Variants in GALNT17 observed in about 807,000 individuals in gnomAD.
GALNT17 encodes the protein UDP-GalNAc:polypeptide N-acetylgalactosaminyltransferase-like 3.
GALNT17 carries 29 observed loss-of-function variants against 63.7 expected under a neutral mutation model. The observed-to-expected ratio is 0.46, with a 90% CI of 0.34 to 0.62. The LOEUF is 0.62. GALNT17 is among the 20% of genes least tolerant of loss of function. GALNT17 has a pLI of 0.01. For missense variants in GALNT17, 603 were observed against 799.6 expected, an observed-to-expected ratio of 0.75 and a Z score of 2.97; for synonymous variants, 305 against 318.3, an observed-to-expected ratio of 0.96 and a Z score of 0.45.
At position 71,702,128 on chromosome 7, in the gene GALNT17, G is replaced by C. The variant is rs2117117086; in HGVS notation, c.1501-8633G>C. Among the ~76,000 whole-genome samples, 3 of 151,884 alleles carry C rather than the reference G, an allele frequency of 2.0e-5. No homozygotes were observed. The South Asian group carries it at 6.2e-4, about 32-fold the overall frequency. Reference sequence around the variant, plus strand: ...AAACAATAGACACTGTGGACTACCAGAGTAGAGAGAGAGGGAGGAGGGTAA... The same window carrying C: ...AAACAATAGACACTGTGGACTACCACAGTAGAGAGAGAGGGAGGAGGGTAA... On this transcript the variant is annotated intron_variant, in intron 9 of 10. Coordinates refer to ENST00000333538, the MANE Select transcript of GALNT17 (RefSeq NM_022479.3).
At chr7:71,318,419 T>TG in intron 1 of GALNT17, among the ~76,000 whole-genome samples, 1 of 147,750 alleles carries the variant, frequency 6.8e-6, no homozygotes, top group Admixed American at 6.8e-5. Context: ...CTCTTTTTTT[T>TG]TTGTGTGTGT....
intron 1 of GALNT17, among the ~76,000 whole-genome samples, chr7:71,139,334 G>A (rs755116621): frequency 2.6e-5 from 4 of 152,148 alleles, no homozygotes; most frequent in Non-Finnish European, 5.9e-5. Context: ...GAGTCCACAC[G>A]CAGGACGCAC....
At chr7:71,581,310 C>T (rs1562699374) in intron 6 of GALNT17, among the ~76,000 whole-genome samples, 1 of 152,104 alleles carries the variant, frequency 6.6e-6, no homozygotes, top group African/African-American at 2.4e-5. Context: ...CAGATGTGCA[C>T]TACCATGCTC....
chr7:71,272,402 G>A (rs757769853), intron 1 of GALNT17, among the ~76,000 whole-genome samples: 5 of 152,198 alleles, frequency 3.3e-5, no homozygotes, highest in Non-Finnish European at 5.9e-5. Context: ...AAAAACGCCA[G>A]CCTGTTTTCC....
At chr7:71,631,109 G>C (rs1790447438) in intron 6 of GALNT17, among the ~76,000 whole-genome samples, 1 of 152,210 alleles carries the variant, frequency 6.6e-6, no homozygotes. Flanking sequence ...GATTGGAAGG[G>C]AGAGGGGAGA....
rs1166172380 is a variant in GALNT17 at position 71,168,700 on chromosome 7, C to CGTGTGT, written c.238+35664_238+35665insGTGTGT. The stretch of plus-strand genomic sequence containing the variant: ...ACACATCCATCAGCTCACATAGTTA[C>CGTGTGT]GTGTATGTGTGTGTGTGTGTGTGTG... On this transcript the variant is annotated intron_variant, in intron 1 of 10. Coordinates refer to ENST00000333538, the MANE Select transcript of GALNT17 (RefSeq NM_022479.3). Among the ~76,000 whole-genome samples, 599 of 83,314 alleles carry CGTGTGT rather than the reference C, an allele frequency of 7.2e-3. 8 individuals carry two copies. Among genetic ancestry groups the CGTGTGT allele is most frequent in the African/African-American group, 8.8e-3 (150 of 17,070 alleles). The allele number at this position is 83,314 out of a possible 152,430, so 54.7% of individuals were successfully genotyped here.
At chr7:71,523,483 G>C (rs1188271614) in intron 5 of GALNT17, among the ~76,000 whole-genome samples, 9 of 151,952 alleles carry the variant, frequency 5.9e-5, no homozygotes, top group Admixed American at 3.9e-4. Context: ...GGCACAGTGA[G>C]TGGGCTCATG....
chr7:71,457,383 G>C (rs1247218643), intron 5 of GALNT17, among the ~76,000 whole-genome samples: 2 of 150,654 alleles, frequency 1.3e-5, no homozygotes, highest in East Asian at 1.9e-4. Flanking sequence ...TACCGGAAAG[G>C]GGTCCTGATC....
intron 8 of GALNT17, 73 bp from the exon 9 acceptor site, chr7:71,677,138 G>A (rs1056199395): frequency 4.6e-6 from 7 of 1,506,344 alleles, no homozygotes; most frequent in Non-Finnish European, 5.5e-6. Context: ...CCAAGCCATG[G>A]TAGAACAGTG....
chr7:71,336,891 A>T (rs1791918402), intron 2 of GALNT17, among the ~76,000 whole-genome samples: 1 of 152,142 alleles, frequency 6.6e-6, no homozygotes, highest in African/African-American at 2.4e-5. Flanking sequence ...GTCTGCTTTG[A>T]GTTCTTTGCG....
intron 2 of GALNT17, among the ~76,000 whole-genome samples, chr7:71,370,034 A>C (rs1221483235): frequency 6.6e-6 from 1 of 152,138 alleles, no homozygotes; most frequent in Admixed American, 6.5e-5. Flanking sequence ...ATTGCTTTAC[A>C]AGTGGGTATT....
chr7:71,189,352 G>C (rs1455653459), intron 1 of GALNT17, among the ~76,000 whole-genome samples: 1 of 152,102 alleles, frequency 6.6e-6, no homozygotes, highest in African/African-American at 2.4e-5. Flanking sequence ...CCCTGTCTCG[G>C]GTATGTGAAA....
Position 71,207,144 on chromosome 7 carries a change from C to T in GALNT17, c.238+74104C>T, listed in dbSNP as rs144835380. The stretch of plus-strand genomic sequence containing the variant: ...AAAGACCGATCAGTAGCAGAATCAA[C>T]CAGCCTCACTTTTTGCTTTTTCTTC... On this transcript the variant is annotated intron_variant, in intron 1 of 10. Transcript: ENST00000333538. Among the ~76,000 whole-genome samples the T allele has an allele frequency of 2.0e-3, 306 of 152,008 alleles. 1 individual carries two copies. The highest frequency in any genetic ancestry group is 7.2e-3 in the African/African-American group (299 of 41,466).
intron 1 of GALNT17, 74 bp downstream of exon 1, chr7:71,133,114 C>T (rs925809289): frequency 1.4e-5 from 18 of 1,294,380 alleles, no homozygotes; most frequent in Non-Finnish European, 2.0e-6. Flanking sequence ...AGGGTCCTTG[C>T]GCGCTGCGCC....
intron 1 of GALNT17, among the ~76,000 whole-genome samples, chr7:71,287,856 A>G (rs1790902428): frequency 6.6e-6 from 1 of 151,784 alleles, no homozygotes; most frequent in South Asian, 2.1e-4. Flanking sequence ...GTTTGAGACC[A>G]GCCTGGCCAA....
chr7:71,376,231 T>C, intron 2 of GALNT17, among the ~76,000 whole-genome samples: 1 of 152,084 alleles, frequency 6.6e-6, no homozygotes, highest in Non-Finnish European at 1.5e-5. Context: ...TGTCCCCTCG[T>C]TTGACATGTA....
chr7:71,337,506 T>TA (rs1373035972), intron 2 of GALNT17, among the ~76,000 whole-genome samples: 2 of 152,314 alleles, frequency 1.3e-5, no homozygotes, highest in Admixed American at 6.5e-5. Context: ...TACTAGCATG[T>TA]AAAAAATGCC....
intron 1 of GALNT17, among the ~76,000 whole-genome samples, chr7:71,173,853 T>G (rs907699585): frequency 5.3e-5 from 8 of 152,180 alleles, no homozygotes; most frequent in Admixed American, 3.9e-4. Flanking sequence ...TTTGTTCACA[T>G]TATGTCCTTA....
chr7:71,494,017 C>A (rs1323239911), intron 5 of GALNT17, among the ~76,000 whole-genome samples: 1 of 151,884 alleles, frequency 6.6e-6, no homozygotes. Flanking sequence ...TCACACTACT[C>A]TAAAGAAATA....
Sources: allele counts gnomAD v4.1 joint callset (sites outside exome capture counted in the v4.1 genomes callset), GRCh38; gene constraint gnomAD v4.1.1; transcripts MANE v1.5; gene names NCBI Gene and HGNC (gene_info 2026-07-23, HGNC 2026-07-21).